The following ZFHX3 variants were observed in gnomAD, a reference collection of about 807,000 sequenced individuals.
ZFHX3 encodes the protein zinc finger homeobox protein 3.
ZFHX3 carries 42 observed loss-of-function variants against 279.1 expected under a neutral mutation model. That is an observed-to-expected ratio of 0.15 (90% CI 0.12 to 0.19). The LOEUF is 0.19. Among genes scored for constraint, ZFHX3 ranks in the 10% least tolerant of loss-of-function variants. The pLI is 1.00. For missense variants in ZFHX3, 4,981 were observed against 4,754.0 expected (o/e 1.05, Z -1.40); for synonymous variants, 2,293 against 1,957.8 (o/e 1.17, Z -4.52).
intron 5 of ZFHX3, among the ~76,000 whole-genome samples, chr16:73,185,543 T>C (rs904179064): frequency 6.6e-6 from 1 of 152,116 alleles, no homozygotes; most frequent in Non-Finnish European, 1.5e-5. Context: ...ATTCCTTTTG[T>C]GTGGAATGGG....
At chr16:73,152,952 C>A (rs1746495465) in intron 5 of ZFHX3, among the ~76,000 whole-genome samples, 1 of 152,012 alleles carries the variant, frequency 6.6e-6, no homozygotes, top group African/African-American at 2.4e-5. Flanking sequence ...AGCCGGGTCA[C>A]AAGTGAAATG....
intron 3 of ZFHX3, among the ~76,000 whole-genome samples, chr16:73,396,495 G>A (rs924465061): frequency 6.6e-6 from 1 of 152,030 alleles, no homozygotes; most frequent in African/African-American, 2.4e-5. Context: ...ATGAAGAACT[G>A]CCTGAGACTG....
intron 2 of ZFHX3, among the ~76,000 whole-genome samples, chr16:73,593,620 G>C (rs1468469477): frequency 6.6e-6 from 1 of 150,820 alleles, no homozygotes; most frequent in Non-Finnish European, 1.5e-5. Flanking sequence ...AGGAAGGAAG[G>C]GAAGTGAAGG....
intron 1 of ZFHX3, among the ~76,000 whole-genome samples, chr16:73,789,476 G>A (rs1380782156): frequency 6.6e-6 from 1 of 152,092 alleles, no homozygotes; most frequent in Non-Finnish European, 1.5e-5. Flanking sequence ...CACCGTGCCC[G>A]GCTGGGAAAA....
At position 73,519,062 on chromosome 16, in the gene ZFHX3, T is replaced by C. The variant is rs192749678; in HGVS notation, c.-1546-62804A>G. Among the ~76,000 whole-genome samples the C allele has an allele frequency of 5.5e-4, 83 of 152,288 alleles. 1 individual carries two copies. Among genetic ancestry groups the C allele is most frequent in the African/African-American group, 1.7e-3 (72 of 41,568 alleles). On this transcript the variant is annotated intron_variant, in intron 2 of 17. Coordinates refer to the ZFHX3 transcript ENST00000641206. The stretch of plus-strand genomic sequence containing the variant: ...TTAAGTAAGCAGATAGATGTAAACA[T>C]TTCCAAGCTCATCAACTTCTCGAGA...
chr16:72,960,341 C>T (rs187781616), intron 1 of ZFHX3, 147 bp from the exon 2 acceptor site: 19 of 596,524 alleles, frequency 3.2e-5, no homozygotes, highest in African/African-American at 2.4e-4. Context: ...GGGCGGAGGG[C>T]GGGCCTGGGG....
At chr16:73,062,578 A>G (rs1343325262), upstream of ZFHX3, among the ~76,000 whole-genome samples, 2 of 152,198 alleles carry the variant, frequency 1.3e-5, no homozygotes, top group Non-Finnish European at 2.9e-5. Context: ...GTGAGCAGCT[A>G]TTATTTGGTC....
intron 3 of ZFHX3, among the ~76,000 whole-genome samples, chr16:73,381,113 C>G (rs1488424695): frequency 6.6e-6 from 1 of 152,120 alleles, no homozygotes; most frequent in African/African-American, 2.4e-5. Flanking sequence ...CAGACCCTGA[C>G]TGATGCAGAC....
chr16:73,330,615 A>AAG (rs2015783780), intron 3 of ZFHX3, among the ~76,000 whole-genome samples: 1 of 152,136 alleles, frequency 6.6e-6, no homozygotes, highest in Admixed American at 6.5e-5. Context: ...GAGCAAGAAA[A>AAG]AGCTTCTAGG....
intron 1 of ZFHX3, among the ~76,000 whole-genome samples, chr16:73,882,981 T>C (rs1308577493): frequency 2.0e-5 from 3 of 152,036 alleles, no homozygotes; most frequent in South Asian, 2.1e-4. Context: ...ACACTGGGGA[T>C]TTGGGTTTTT....
chr16:73,474,939 C>T (rs547195900), intron 2 of ZFHX3, among the ~76,000 whole-genome samples: 16 of 152,106 alleles, frequency 1.1e-4, no homozygotes, highest in African/African-American at 3.6e-4. Context: ...CCAAATGGGG[C>T]TGGGAGGAGT....
At chr16:73,180,668 GT>G (rs549767580) in intron 5 of ZFHX3, among the ~76,000 whole-genome samples, 1,458 of 145,460 alleles carry the variant, frequency 0.01, 22 homozygotes, top group African/African-American at 0.034. Flanking sequence ...TTCTGCTGCT[GT>G]TTTTTTTTTT....
At chr16:73,474,073 A>G (rs1017591873) in intron 2 of ZFHX3, among the ~76,000 whole-genome samples, 2 of 152,132 alleles carry the variant, frequency 1.3e-5, no homozygotes, top group Non-Finnish European at 2.9e-5. Flanking sequence ...CAGGAATGAA[A>G]CAAGAGTTGG....
At chr16:73,500,636 G>C (rs899404856) in intron 2 of ZFHX3, among the ~76,000 whole-genome samples, 2 of 107,690 alleles carry the variant, frequency 1.9e-5, no homozygotes, top group Non-Finnish European at 3.5e-5. Context: ...CTGTGCCCTA[G>C]TTTTTATTTT....
chr16:72,895,766 G>C, intron 3 of ZFHX3, among the ~76,000 whole-genome samples: 1 of 152,216 alleles, frequency 6.6e-6, no homozygotes, highest in East Asian at 1.9e-4. Context: ...GGAGGCTGAA[G>C]GGAGGTATGA....
intron 7 of ZFHX3, among the ~76,000 whole-genome samples, chr16:73,108,314 A>G (rs1244251523): frequency 6.9e-6 from 1 of 145,226 alleles, no homozygotes; most frequent in Non-Finnish European, 1.5e-5. Context: ...AGCTTGGGTG[A>G]CAGAGCAAGA....
At chr16:73,448,881 A>G (rs2018237482) in intron 3 of ZFHX3, among the ~76,000 whole-genome samples, 2 of 152,208 alleles carry the variant, frequency 1.3e-5, no homozygotes, top group South Asian at 4.1e-4. Flanking sequence ...TTATTCAGAA[A>G]GAAAACTCAT....
chr16:73,591,738 G>A (rs1307509744), intron 2 of ZFHX3, among the ~76,000 whole-genome samples: 1 of 148,554 alleles, frequency 6.7e-6, no homozygotes, highest in Non-Finnish European at 1.5e-5. Flanking sequence ...AGAAAACGGA[G>A]GGATGGGGAA....
chr16:73,240,987 A>C (rs2013104371), intron 5 of ZFHX3, among the ~76,000 whole-genome samples: 1 of 152,182 alleles, frequency 6.6e-6, no homozygotes, highest in African/African-American at 2.4e-5. Flanking sequence ...AATAATTGGC[A>C]CTCACCAGAA....
Sources: allele counts gnomAD v4.1 joint callset (sites outside exome capture counted in the v4.1 genomes callset), GRCh38; gene constraint gnomAD v4.1.1; transcripts MANE v1.5; gene names NCBI Gene and HGNC (gene_info 2026-07-23, HGNC 2026-07-21).